USP14: variants seen among roughly 807,000 people sequenced by gnomAD.
USP14 encodes ubiquitin carboxyl-terminal hydrolase 14.
USP14 carries 38 observed loss-of-function variants against 76.5 expected under a neutral mutation model. The observed-to-expected ratio is 0.50, with a 90% CI of 0.38 to 0.65. The LOEUF (loss-of-function observed/expected upper bound fraction) is 0.65, where lower values mean the gene tolerates loss of function less well. Ranked by LOEUF, USP14 falls within the 30% of genes least tolerant of loss-of-function variation. The pLI is 0.00. For missense variants in USP14, 467 were observed against 586.5 expected (o/e 0.80, Z 2.10); for synonymous variants, 192 against 191.7 (o/e 1.00, Z -0.01).
Position 192,827 on chromosome 18 carries a change from C to CT in USP14, c.405-12dup. ...AATTGAATTCTATTGTTTAACTCGG[C>CT]TTTAATGTTCCTAGGTATGCAGGTG... On this transcript the variant is annotated splice_polypyrimidine_tract_variant and intron_variant, in intron 5 of 15. Transcript: ENST00000261601. The CT allele has an allele frequency of 6.2e-7, 1 of 1,613,058 alleles. No homozygotes were observed. The highest frequency in any genetic ancestry group is 8.5e-7 in the Non-Finnish European group (1 of 1,179,462).
intron 5 of USP14, among the ~76,000 whole-genome samples, chr18:191,286 C>T (rs1910078584): frequency 6.6e-6 from 1 of 152,116 alleles, no homozygotes; most frequent in Non-Finnish European, 1.5e-5. Flanking sequence ...CGTTGAGTCA[C>T]ATCAGTTTCC....
intron 6 of USP14, among the ~76,000 whole-genome samples, chr18:195,025 A>G (rs1435886517): frequency 2.6e-5 from 4 of 152,016 alleles, no homozygotes; most frequent in African/African-American, 9.7e-5. Context: ...AGTATTGTCC[A>G]TTAAAAAAGT....
chr18:175,895 T>G (rs1391318926), intron 3 of USP14, among the ~76,000 whole-genome samples: 1 of 152,204 alleles, frequency 6.6e-6, no homozygotes, highest in Non-Finnish European at 1.5e-5. Context: ...GTAGGAAGAC[T>G]TTAAGAATTT....
chr18:185,704 T>C (rs1909910207), intron 5 of USP14, among the ~76,000 whole-genome samples: 2 of 152,006 alleles, frequency 1.3e-5, no homozygotes, highest in African/African-American at 4.8e-5. Flanking sequence ...TTTAAATTAT[T>C]TTTTATTTTT....
intron 4 of USP14, among the ~76,000 whole-genome samples, chr18:179,433 A>T (rs1325986975): frequency 6.6e-6 from 1 of 152,132 alleles, no homozygotes; most frequent in East Asian, 1.9e-4. Flanking sequence ...GGATATTTAA[A>T]TTTTTAAAAT....
chr18:163,629 T>C lies in USP14; in HGVS notation c.162+176T>C, dbSNP rs1450489468. 2.0e-5 allele frequency among the ~76,000 whole-genome samples: 3 copies of C among 152,320 alleles called. No homozygotes were observed. In the East Asian group the frequency reaches 5.8e-4, roughly 29 times the overall value. Reference sequence around the variant, plus strand: ...GCCTGTTAGAGTAAGGGAGAAATATTGTAGCTGTTTGACAACACTATATGG... The same window carrying C: ...GCCTGTTAGAGTAAGGGAGAAATATCGTAGCTGTTTGACAACACTATATGG... On this transcript the variant is annotated intron_variant, in intron 2 of 15. Transcript: ENST00000261601.
At chr18:199,071 G>T in intron 9 of USP14, 131 bp from the exon 10 acceptor site, 1 of 595,628 alleles carries the variant, frequency 1.7e-6, no homozygotes, top group East Asian at 3.0e-5. Flanking sequence ...ATGAATCTTG[G>T]GAGACTAAAA....
intron 15 of USP14, 113 bp from the exon 16 acceptor site, chr18:211,020 G>C: frequency 1.8e-6 from 2 of 1,085,052 alleles, no homozygotes; most frequent in Non-Finnish European, 2.6e-6. Context: ...AGGACTGTTG[G>C]TGTGGCCAGT....
intron 6 of USP14, among the ~76,000 whole-genome samples, chr18:196,121 G>T (rs1374551275): frequency 1.3e-5 from 2 of 151,984 alleles, no homozygotes; most frequent in African/African-American, 4.8e-5. Flanking sequence ...AGGAGTTCGA[G>T]ACCAGCCTGG....
rs532674462 is a variant in USP14, at chr18:176,161, A to G, written c.196-2772A>G. Among the ~76,000 whole-genome samples, 301 of 149,164 alleles carry G rather than the reference A, an allele frequency of 2.0e-3. 3 individuals carry two copies. The highest frequency in any genetic ancestry group is 6.7e-3 in the African/African-American group (277 of 41,216). ...CAGTTTCATTGATTGTGTCCCCCCAAAAAAAAAACATTTGGCCTGTTCATT... is the reference window on the plus strand; with the variant it reads ...CAGTTTCATTGATTGTGTCCCCCCAGAAAAAAAACATTTGGCCTGTTCATT... On this transcript the variant is annotated intron_variant, in intron 3 of 15. Transcript: ENST00000261601.
At position 171,018 on chromosome 18, in the gene USP14, AAAAAAAAATATAT is replaced by A. The variant is rs1349213453; in HGVS notation, c.195+4201_195+4213del. ...CATGTACCCTGGAACTTAAAAAAAA[AAAAAAAAATATAT>A]ATATATATATATATATATATATATA... On this transcript the variant is annotated intron_variant, in intron 3 of 15. Coordinates refer to ENST00000261601, the MANE Select transcript of USP14 (RefSeq NM_005151.4). Among the ~76,000 whole-genome samples, 19 of 93,504 alleles carry A rather than the reference AAAAAAAAATATAT, an allele frequency of 2.0e-4. 1 individual carries two copies. Among genetic ancestry groups the A allele is most frequent in the African/African-American group, 7.8e-4 (17 of 21,776 alleles). 61.3% of individuals were successfully genotyped at this position (93,504 alleles called of 152,430 possible). A position where few individuals can be genotyped will look rare whatever the true frequency, so the allele number is the denominator to read the frequency against.
chr18:203,054 G>C, intron 11 of USP14, 44 bp from the exon 12 acceptor site: 1 of 1,605,322 alleles, frequency 6.2e-7, no homozygotes, highest in Non-Finnish European at 8.5e-7. Context: ...AAACTTGTAT[G>C]GTATTTTGAT....
At position 164,235 on chromosome 18, in the gene USP14, G is replaced by A. The variant is rs1909203701; in HGVS notation, c.162+782G>A. Among the ~76,000 whole-genome samples the A allele has an allele frequency of 1.3e-5, 2 of 151,886 alleles. 1 individual carries two copies. The highest frequency in any genetic ancestry group is 4.2e-4 in the South Asian group (2 of 4,816). On this transcript the variant is annotated intron_variant, in intron 2 of 15. Coordinates refer to ENST00000261601, the MANE Select transcript of USP14 (RefSeq NM_005151.4). ...ATTAATATTTCCTTAGTAATTTTCT[G>A]TAATGAGGTTGGAAAATTTTATCTC...
intron 9 of USP14, among the ~76,000 whole-genome samples, chr18:198,757 TTAA>T (rs1389054730): frequency 7.2e-5 from 11 of 152,122 alleles, no homozygotes; most frequent in African/African-American, 1.2e-4. Context: ...AAGGTGACTG[TTAA>T]TAATAACTTT....
chr18:202,091 T>A lies in USP14; in HGVS notation c.877-789T>A, dbSNP rs566184565. 5.9e-5 allele frequency among the ~76,000 whole-genome samples: 9 copies of A among 152,358 alleles called. No homozygotes were observed. The South Asian group carries it at 6.2e-4, about 11-fold the overall frequency. On this transcript the variant is annotated intron_variant, in intron 10 of 15. Coordinates refer to ENST00000261601, the MANE Select transcript of USP14 (RefSeq NM_005151.4). ...AAACATTACCAGTAGGTTATTTTAA[T>A]TCTAATTTCTTTTTTGTTTGTTTTC...
chr18:191,743 C>A (rs895530110), intron 5 of USP14, among the ~76,000 whole-genome samples: 1 of 152,162 alleles, frequency 6.6e-6, no homozygotes, highest in Non-Finnish European at 1.5e-5. Context: ...CTGACTAGAT[C>A]AGTAATTCTG....
At chr18:181,097 ATAG>A (rs1909777923) in intron 5 of USP14, among the ~76,000 whole-genome samples, 2 of 152,156 alleles carry the variant, frequency 1.3e-5, no homozygotes, top group Admixed American at 1.3e-4. Context: ...TTATGGCTGA[ATAG>A]TATTTCATTT....
Position 158,678 on chromosome 18 carries a change from C to G in USP14, c.-21C>G. 5 of 1,519,634 alleles carry G rather than the reference C, an allele frequency of 3.3e-6. No individual in the cohort carries two copies. Among genetic ancestry groups the G allele is most frequent in the East Asian group, 2.7e-5 (1 of 37,452 alleles). The allele number at this position is 1,519,634 out of a possible 1,614,324, so 94.1% of individuals were successfully genotyped here. On this transcript the variant is annotated 5_prime_UTR_variant, in exon 1 of 16. Transcript: ENST00000261601. ...GTCAGGCCCAGCTCTCCTGCGCCGC[C>G]GCCTCCCGCCGCGCCCCGCCATGCC...
At chr18:182,594 G>C (rs532291554) in intron 5 of USP14, among the ~76,000 whole-genome samples, 3 of 152,188 alleles carry the variant, frequency 2.0e-5, no homozygotes, top group African/African-American at 7.2e-5. Flanking sequence ...CAGTCTAATA[G>C]AGAAAGACTA....
Sources: gnomAD v4.1 joint callset for allele counts (sites outside exome capture counted in the v4.1 genomes callset) on GRCh38, gnomAD v4.1.1 for gene constraint, MANE v1.5 for transcripts, NCBI Gene and HGNC (gene_info 2026-07-23, HGNC 2026-07-21) for gene names.